Variants in KANK4 observed in about 807,000 individuals in gnomAD.
KANK4 encodes the protein KN motif and ankyrin repeat domain-containing protein 4.
KANK4 carries 50 observed loss-of-function variants against 80.8 expected under a neutral mutation model. The observed-to-expected ratio is 0.62, with a 90% CI of 0.49 to 0.78. KANK4 has a LOEUF of 0.78. Ranked by LOEUF, KANK4 falls within the 30% of genes least tolerant of loss-of-function variation. The pLI is 0.00. For synonymous variants in KANK4, 465 were observed against 506.9 expected (o/e 0.92, Z 1.11); for missense variants, 1,196 against 1,240.1 (o/e 0.96, Z 0.53).
intron 6 of KANK4, among the ~76,000 whole-genome samples, chr1:62,264,054 T>C (rs559660753): frequency 6.6e-6 from 1 of 152,284 alleles, no homozygotes; most frequent in Non-Finnish European, 1.5e-5. Context: ...ATGATTATGA[T>C]AAATGATTGC....
At chr1:62,297,680 G>A (rs965371774) in intron 1 of KANK4, among the ~76,000 whole-genome samples, 6 of 152,164 alleles carry the variant, frequency 3.9e-5, no homozygotes, top group South Asian at 2.1e-4. Context: ...TTGGGGACAC[G>A]CTGGGTCTCT....
intron 7 of KANK4, among the ~76,000 whole-genome samples, chr1:62,258,365 T>C (rs558887159): frequency 6.4e-4 from 97 of 152,340 alleles, no homozygotes; most frequent in Non-Finnish European, 9.6e-4. Context: ...CTCCATTTAA[T>C]TATGTGCCTT....
Position 62,274,229 on chromosome 1 carries a change from G to T in KANK4, c.875C>A (p.Pro292His), listed in dbSNP as rs376258181. The T allele has an allele frequency of 6.2e-7, 1 of 1,614,102 alleles. No homozygotes were observed. The highest frequency in any genetic ancestry group is 8.5e-7 in the Non-Finnish European group (1 of 1,179,988). The change falls in exon 3 of 10, where the codon CCC (proline) becomes CAC (histidine). Residue 292 changes from proline to histidine, a missense_variant. Physicochemically the swap from Pro to His is moderately conservative, Grantham distance 77. Transcript: ENST00000371153. ...PTPSPPPLPS[P>H]IPENELLLEE... ...CAGGAGGAGCTCATTCTCAGGGATG[G>T]GTGATGGCAGAGGTGGCGGGCTTGG...
intron 8 of KANK4, among the ~76,000 whole-genome samples, chr1:62,252,492 T>C (rs1671646432): frequency 6.6e-6 from 1 of 152,234 alleles, no homozygotes; most frequent in African/African-American, 2.4e-5. Flanking sequence ...CAGAACTCTA[T>C]AATAAGCCTC....
Position 62,238,417 on chromosome 1 carries a change from T to C in KANK4, c.2884-36A>G, listed in dbSNP as rs546890587. 7 of 1,581,948 alleles carry C rather than the reference T, an allele frequency of 4.4e-6. No homozygotes were observed. The African/African-American group carries it at 5.4e-5, about 12-fold the overall frequency. On this transcript the variant is annotated intron_variant, in intron 9 of 9. Transcript: ENST00000371153. ...AAAAGGAAAGAAGAAATAAATATCA[T>C]CCAATCTGCCTCCTGCCTGGGGGAG...
intron 1 of KANK4, among the ~76,000 whole-genome samples, chr1:62,304,050 T>A (rs1490127910): frequency 6.6e-6 from 1 of 151,838 alleles, no homozygotes; most frequent in African/African-American, 2.4e-5. Flanking sequence ...ATTTTTGTAT[T>A]TTTTGGTAGA....
rs17123385 is a variant in KANK4, at chr1:62,295,565, T to C, written c.-70-13931A>G. On this transcript the variant is annotated intron_variant, in intron 1 of 9. Transcript: ENST00000371153. ...TTCAATCAGTCCACTGATTATCTAC[T>C]GTTGGGAGGAGAGAAATATAAAACA... Among the ~76,000 whole-genome samples the C allele has an allele frequency of 7.7e-3, 1,179 of 152,364 alleles. 17 individuals carry two copies. Among genetic ancestry groups the C allele is most frequent in the African/African-American group, 0.026 (1,098 of 41,584 alleles).
intron 1 of KANK4, among the ~76,000 whole-genome samples, chr1:62,297,477 GC>G (rs1161190460): frequency 6.6e-6 from 1 of 152,144 alleles, no homozygotes; most frequent in African/African-American, 2.4e-5. Flanking sequence ...CAGAGACCGA[GC>G]TCTTAACAAC....
At chr1:62,257,879 C>T (rs904062004) in intron 7 of KANK4, among the ~76,000 whole-genome samples, 1 of 152,186 alleles carries the variant, frequency 6.6e-6, no homozygotes, top group African/African-American at 2.4e-5. Context: ...TTTATACCAC[C>T]CAAATTTTAG....
intron 2 of KANK4, 100 bp downstream of exon 2, chr1:62,281,449 C>A: frequency 7.1e-7 from 1 of 1,410,760 alleles, no homozygotes; most frequent in Non-Finnish European, 1.0e-6. Flanking sequence ...GGGATATCTC[C>A]TGCAGGCCTT....
At chr1:62,299,323 G>A (rs192066483) in intron 1 of KANK4, among the ~76,000 whole-genome samples, 1 of 152,222 alleles carries the variant, frequency 6.6e-6, no homozygotes, top group East Asian at 1.9e-4. Context: ...GCCTCCTAAA[G>A]TGTTCAGATT....
At chr1:62,312,393 T>C (rs1306885044) in intron 1 of KANK4, among the ~76,000 whole-genome samples, 1 of 152,162 alleles carries the variant, frequency 6.6e-6, no homozygotes, top group Non-Finnish European at 1.5e-5. Flanking sequence ...ATAAAGATGC[T>C]TTTTTTCCCC....
chr1:62,309,940 C>T (rs1167060236), intron 1 of KANK4, among the ~76,000 whole-genome samples: 1 of 152,216 alleles, frequency 6.6e-6, no homozygotes, highest in African/African-American at 2.4e-5. Context: ...CCGAAGGCGG[C>T]CACCCACAGG....
At chr1:62,240,225 T>C (rs1373132037) in intron 9 of KANK4, among the ~76,000 whole-genome samples, 1 of 152,254 alleles carries the variant, frequency 6.6e-6, no homozygotes, top group Admixed American at 6.5e-5. Context: ...TGTAAGATGG[T>C]ATCTCATTGT....
Position 62,298,918 on chromosome 1 carries a change from A to G in KANK4, c.-70-17284T>C, listed in dbSNP as rs1236504947. 3.4e-5 allele frequency among the ~76,000 whole-genome samples: 5 copies of G among 145,686 alleles called. No individual in the cohort carries two copies. The East Asian group carries it at 9.8e-4, about 29-fold the overall frequency. ...ATTATTTACTCTTCTCAAAGACTCT[A>G]TGTCTCTATGTATTATTTTTTTTTT... On this transcript the variant is annotated intron_variant, in intron 1 of 9. Transcript: ENST00000371153.
At chr1:62,315,134 G>T (rs1427067523) in intron 1 of KANK4, among the ~76,000 whole-genome samples, 1 of 152,128 alleles carries the variant, frequency 6.6e-6, no homozygotes, top group African/African-American at 2.4e-5. Flanking sequence ...TCCAAACTTG[G>T]TCTGGGAGAT....
At position 62,273,782 on chromosome 1, in the gene KANK4, T is replaced by G. The variant is rs373431431; in HGVS notation, c.1322A>C (p.Glu441Ala). 6.2e-7 allele frequency: 1 copy of G among 1,614,116 alleles called. No homozygotes were observed. The highest frequency in any genetic ancestry group is 8.5e-7 in the Non-Finnish European group (1 of 1,180,018). Residue 441 changes from glutamate (E) to alanine (A), a missense_variant, in exon 3 of 10, where the codon GAG becomes GCG. By Grantham distance (107) the Glu-to-Ala change is moderately radical. Coordinates refer to ENST00000371153, the MANE Select transcript of KANK4 (RefSeq NM_181712.5). ...TCCTCGGTGCCCCCAGCTTTCAGAC[T>G]CCATGCTGCCTAGAAGGTTGACTTC... ...GIEVNLLGSMESESWGHRGEE... is the reference protein window; with the variant it reads ...GIEVNLLGSMASESWGHRGEE...
In KANK4 at chr1:62,238,014, G is replaced by A. The variant is rs17123220; in HGVS notation, c.*263C>T. 0.036 allele frequency: 13,467 copies of A among 376,812 alleles called. 696 individuals are homozygous for A. Among genetic ancestry groups the A allele is most frequent in the African/African-American group, 0.16 (7,882 of 49,644 alleles). 23.3% of individuals were successfully genotyped at this position (376,812 alleles called of 1,614,324 possible). A position where few individuals can be genotyped will look rare whatever the true frequency, so the allele number is the denominator to read the frequency against. ...ATTCAAGGCTGAAGATGTTTTGGAT[G>A]TTTGGATGACACCGACGTACCCCTC... On this transcript the variant is annotated 3_prime_UTR_variant, in exon 10 of 10. Coordinates refer to ENST00000371153, the MANE Select transcript of KANK4 (RefSeq NM_181712.5).
intron 1 of KANK4, among the ~76,000 whole-genome samples, chr1:62,297,117 T>C (rs1189880998): frequency 6.6e-6 from 1 of 151,992 alleles, no homozygotes; most frequent in Non-Finnish European, 1.5e-5. Flanking sequence ...CTCAGGGGGT[T>C]GAGGCAGGAG....
Sources: gnomAD v4.1 joint callset for allele counts (sites outside exome capture counted in the v4.1 genomes callset) on GRCh38, gnomAD v4.1.1 for gene constraint, MANE v1.5 for transcripts, NCBI Gene and HGNC (gene_info 2026-07-23, HGNC 2026-07-21) for gene names.